Variants in EP400 observed in about 807,000 individuals in gnomAD.
EP400 encodes E1A-binding protein p400.
In EP400, 105 loss-of-function variants were observed where a neutral mutation model predicts 354.1. The ratio of observed to expected loss-of-function variants is 0.30; its 90% confidence interval spans 0.25 to 0.35. The LOEUF (loss-of-function observed/expected upper bound fraction) is 0.35, where lower values mean the gene tolerates loss of function less well. EP400 is among the 10% of genes least tolerant of loss of function. The probability of loss-of-function intolerance (pLI) is 1.00; values close to 1 mark genes in which losing one functional copy is unlikely to be tolerated. For missense variants in EP400, 3,280 were observed against 4,121.0 expected (o/e 0.80, Z 5.59); for synonymous variants, 1,646 against 1,716.9 (o/e 0.96, Z 1.02).
rs146361221 is a variant in EP400, at chr12:132,034,128, G to A, written c.5951+1979G>A. On this transcript the variant is annotated intron_variant, in intron 30 of 52. Transcript: ENST00000389561. ...TACATTTCCATGGTGATGAATATAA[G>A]TTTGGTGCATGGTTTATGTTGAATG... Among the ~76,000 whole-genome samples the A allele has an allele frequency of 3.3e-4, 50 of 152,246 alleles. No homozygotes were observed. In the East Asian group the frequency reaches 8.3e-3, roughly 25 times the overall value.
chr12:132,077,309 C>A lies in EP400; in HGVS notation c.9100-92C>A. ...CATAAAAGCATAGTCAGTGAAGTTT[C>A]TCGAGTCCTCCCCATCCCAAAGAAC... On this transcript the variant is annotated intron_variant, in intron 52 of 52. Transcript: ENST00000389561. The A allele has an allele frequency of 2.0e-6, 3 of 1,487,536 alleles. No homozygotes were observed. In the East Asian group the frequency reaches 6.8e-5, roughly 34 times the overall value. 92.1% of individuals were successfully genotyped at this position (1,487,536 alleles called of 1,614,324 possible).
rs761877338 is a variant in EP400, at chr12:132,021,070, C to T, written c.4448-9C>T. 1.1e-5 allele frequency: 17 copies of T among 1,589,392 alleles called. No homozygotes were observed. In the East Asian group the frequency reaches 1.8e-4, roughly 17 times the overall value. Reference sequence around the variant, plus strand: ...ACAGCTTTGCACAAACAAACCTTATCGATTGCAGCAGCAGCAGCCCCGTTT... The same window carrying T: ...ACAGCTTTGCACAAACAAACCTTATTGATTGCAGCAGCAGCAGCCCCGTTT... On this transcript the variant is annotated splice_polypyrimidine_tract_variant and intron_variant, in intron 22 of 52. Transcript: ENST00000389561.
At chr12:131,964,071 A>G (rs1365268507) in intron 2 of EP400, among the ~76,000 whole-genome samples, 2 of 152,246 alleles carry the variant, frequency 1.3e-5, no homozygotes, top group East Asian at 1.9e-4. Flanking sequence ...AGTGAAATAC[A>G]CTTCTGAAAT....
rs1430025243 is a variant in EP400 at position 131,990,991 on chromosome 12, G to A, written c.2629+277G>A. On this transcript the variant is annotated intron_variant, in intron 9 of 52. Coordinates refer to ENST00000389561, the MANE Select transcript of EP400 (RefSeq NM_015409.5). The surrounding 1 kb of genome is among the most constrained non-coding windows in gnomAD (Gnocchi z 4.2). ...GACAGTGAGTGAGGAGCTTCCTGAG[G>A]TGTTTGCCATGCAGGAGGATCCTTG... Among the ~76,000 whole-genome samples, 1 of 152,218 alleles carries A rather than the reference G, an allele frequency of 6.6e-6. No individual in the cohort carries two copies. The highest frequency in any genetic ancestry group is 1.9e-4 in the East Asian group (1 of 5,200).
chr12:132,023,913 C>G lies in EP400; in HGVS notation c.4827C>G (p.Leu1609=), dbSNP rs774631468. The change falls in exon 24 of 53, where the codon CTC becomes CTG. Residue 1609 remains leucine, a synonymous_variant. Transcript: ENST00000389561. The part of the protein sequence containing the change: ...FTLSHSQLRQ[L]TAGQPLQLQG... ...TGTCACACAGCCAGCTCCGGCAGCT[C>G]ACAGCGGGCCAGCCGCTGCAGCTGC... 3 of 1,607,886 alleles carry G rather than the reference C, an allele frequency of 1.9e-6. No homozygotes were observed. Among genetic ancestry groups the G allele is most frequent in the Non-Finnish European group, 2.5e-6 (3 of 1,177,812 alleles).
chr12:131,976,795 A>G (rs1892491493), intron 2 of EP400, among the ~76,000 whole-genome samples: 1 of 152,184 alleles, frequency 6.6e-6, no homozygotes, highest in African/African-American at 2.4e-5. Context: ...CTGAAAACTC[A>G]GTTCAGTACT....
At chr12:131,975,060 A>C (rs1221672682) in intron 2 of EP400, among the ~76,000 whole-genome samples, 1 of 152,032 alleles carries the variant, frequency 6.6e-6, no homozygotes, top group African/African-American at 2.4e-5. Flanking sequence ...AATAAGGTAA[A>C]ACTAAAAATA....
Position 132,016,896 on chromosome 12 carries a change from CT to C in EP400, c.3924-638del, listed in dbSNP as rs147864721. On this transcript the variant is annotated intron_variant, in intron 19 of 52. Transcript: ENST00000389561. Reference sequence around the variant, plus strand: ...TCTCCTCCCTCCTCTTCCCACAAGTCTGCCATCTCCTTCCTGAGTCTCTCTC... The same window carrying C: ...TCTCCTCCCTCCTCTTCCCACAAGTCGCCATCTCCTTCCTGAGTCTCTCTC... Among the ~76,000 whole-genome samples, 450 of 152,322 alleles carry C rather than the reference CT, an allele frequency of 3.0e-3. 4 individuals carry two copies. The highest frequency in any genetic ancestry group is 0.01 in the African/African-American group (436 of 41,566).
At chr12:132,043,534 C>A in intron 33 of EP400, 72 bp downstream of exon 33, 1 of 1,581,634 alleles carries the variant, frequency 6.3e-7, no homozygotes, top group Admixed American at 1.9e-5. Context: ...TTATTGTTTA[C>A]TGCAAGAAAA....
chr12:132,020,290 C>T, intron 22 of EP400, 72 bp downstream of exon 22: 1 of 1,473,926 alleles, frequency 6.8e-7, no homozygotes, highest in East Asian at 2.6e-5. Context: ...GCACTTTCTT[C>T]TCGCGCCTCT....
rs1894108789 is a variant in EP400, at chr12:132,021,139, C to T, written c.4508C>T (p.Ala1503Val). ...GCCAGTGCTCCACGACACCAGCCCG[C>T]CTCGGCCTCCAGCACAGCCGCTAGC... Reference protein sequence around the residue: ...ASASAPRHQPASASSTAASPA... With the variant: ...ASASAPRHQPVSASSTAASPA... Residue 1503 changes from alanine (A) to valine (V), a missense_variant, in exon 23 of 53, where the codon GCC becomes GTC. By Grantham distance (64) the Ala-to-Val change is moderately conservative. This residue lies in a region of EP400 where 342 missense variants were observed against 342.7 expected (regional missense o/e 1.00). Coordinates refer to ENST00000389561, the MANE Select transcript of EP400 (RefSeq NM_015409.5). 2.5e-6 allele frequency: 4 copies of T among 1,600,342 alleles called. No homozygotes were observed.
At chr12:132,024,013 C>A in intron 24 of EP400, 72 bp downstream of exon 24, 1 of 1,431,718 alleles carries the variant, frequency 7.0e-7, no homozygotes, top group Non-Finnish European at 9.2e-7. Context: ...CTGCTGCCCA[C>A]GGGCCTGCCT....
rs1593386047 is a variant in EP400, at chr12:132,065,006, T to C, written c.8553+120T>C. ...GGAGTGAGTGTGAGACGGGTTCTTT[T>C]CCCCGAGAACTTAGTACCCCTTGGA... On this transcript the variant is annotated intron_variant, in intron 48 of 52. Coordinates refer to ENST00000389561, the MANE Select transcript of EP400 (RefSeq NM_015409.5). The C allele has an allele frequency of 8.9e-6, 13 of 1,458,460 alleles. No individual in the cohort carries two copies. The East Asian group carries it at 2.7e-4, about 31-fold the overall frequency. 90.3% of individuals were successfully genotyped at this position (1,458,460 alleles called of 1,614,324 possible).
Position 132,062,309 on chromosome 12 carries a change from C to T in EP400, c.8084C>T (p.Pro2695Leu). The change falls in exon 46 of 53, where the codon CCC becomes CTC. Residue 2695 changes from proline to leucine, a missense_variant. Pro to Leu is a moderately conservative substitution (Grantham distance 98). Coordinates refer to ENST00000389561, the MANE Select transcript of EP400 (RefSeq NM_015409.5). ...PVQTPARSLV[P>L]QVSQATGVQL... ...CAGACCCCGGCACGGTCTTTGGTGCCCCAAGTGTCCCAAGGTAAAGCCAGG... is the reference window on the plus strand; with the variant it reads ...CAGACCCCGGCACGGTCTTTGGTGCTCCAAGTGTCCCAAGGTAAAGCCAGG... The T allele has an allele frequency of 6.2e-7, 1 of 1,614,176 alleles. No homozygotes were observed. Among genetic ancestry groups the T allele is most frequent in the Non-Finnish European group, 8.5e-7 (1 of 1,180,034 alleles).
Position 132,045,303 on chromosome 12 carries a change from C to G in EP400, c.6785-16C>G. The G allele has an allele frequency of 6.2e-7, 1 of 1,613,608 alleles. No individual in the cohort carries two copies. The highest frequency in any genetic ancestry group is 2.2e-5 in the East Asian group (1 of 44,878). On this transcript the variant is annotated splice_polypyrimidine_tract_variant and intron_variant, in intron 37 of 52. Coordinates refer to ENST00000389561, the MANE Select transcript of EP400 (RefSeq NM_015409.5). ...TCCTGGTTTACTCTCTTGCTGAAGA[C>G]TGCCTCTCTGTTCAGCTGCAGGCAG...
chr12:132,080,446 T>G lies in EP400; in HGVS notation c.*2773T>G, dbSNP rs1368053693. 6.6e-6 allele frequency: 1 copy of G among 152,636 alleles called. No individual in the cohort carries two copies. The highest frequency in any genetic ancestry group is 1.5e-5 in the Non-Finnish European group (1 of 68,030). 9.5% of individuals were successfully genotyped at this position (152,636 alleles called of 1,614,324 possible). A position where few individuals can be genotyped will look rare whatever the true frequency, so the allele number is the denominator to read the frequency against. Reference sequence around the variant, plus strand: ...ATACCAAACAAAAGGCAAAATAAAGTGACCTTTTTATATATTTTTTCATTT... The same window carrying G: ...ATACCAAACAAAAGGCAAAATAAAGGGACCTTTTTATATATTTTTTCATTT... On this transcript the variant is annotated 3_prime_UTR_variant, in exon 53 of 53. Transcript: ENST00000389561.
intron 12 of EP400, among the ~76,000 whole-genome samples, chr12:131,999,163 C>G (rs1186989214): frequency 6.6e-6 from 1 of 151,868 alleles, no homozygotes; most frequent in African/African-American, 2.4e-5. Context: ...TTGTTGCCTA[C>G]TGACCCCACG....
chr12:131,966,012 G>A (rs1325916837), intron 2 of EP400, among the ~76,000 whole-genome samples: 1 of 151,726 alleles, frequency 6.6e-6, no homozygotes, highest in Non-Finnish European at 1.5e-5. Context: ...AAAGTATTCT[G>A]GTTTGGGTGG....
rs754413118 is a variant in EP400, at chr12:132,052,389, C to T, written c.7395-757C>T. Among the ~76,000 whole-genome samples, 37 of 152,236 alleles carry T rather than the reference C, an allele frequency of 2.4e-4. No homozygotes were observed. Among genetic ancestry groups the T allele is most frequent in the African/African-American group, 8.4e-4 (35 of 41,466 alleles). Reference sequence around the variant, plus strand: ...AACCCCCAGGACTCCCTACTGCCCACGCTCTGAGTCGCCTGGCCCTGGCTT... The same window carrying T: ...AACCCCCAGGACTCCCTACTGCCCATGCTCTGAGTCGCCTGGCCCTGGCTT... On this transcript the variant is annotated intron_variant, in intron 41 of 52. Transcript: ENST00000389561. The surrounding 1 kb of genome is among the most constrained non-coding windows in gnomAD (Gnocchi z 4.4).
Sources: allele counts gnomAD v4.1 joint callset (sites outside exome capture counted in the v4.1 genomes callset), GRCh38; gene constraint gnomAD v4.1.1; regional missense constraint gnomAD v4.1.1; non-coding constraint Gnocchi (gnomAD v3.1); transcripts MANE v1.5; gene names NCBI Gene and HGNC (gene_info 2026-07-23, HGNC 2026-07-21).